ZC3H4: variants seen among roughly 807,000 people sequenced by gnomAD.
ZC3H4 encodes zinc finger CCCH domain-containing protein 4.
A neutral mutation model predicts 108.3 loss-of-function variants in ZC3H4; 13 were observed. The observed-to-expected ratio is 0.12, with a 90% CI of 0.08 to 0.19. ZC3H4 has a LOEUF of 0.19. Ranked by LOEUF, ZC3H4 falls within the 10% of genes least tolerant of loss-of-function variation. ZC3H4 has a pLI of 1.00. For missense variants in ZC3H4, 1,734 were observed against 1,838.8 expected (o/e 0.94, Z 1.04); for synonymous variants, 917 against 749.6 (o/e 1.22, Z -3.65).
At chr19:47,086,238 C>G (rs1439303086) in intron 6 of ZC3H4, 146 bp downstream of exon 6, 2 of 875,664 alleles carry the variant, frequency 2.3e-6, no homozygotes, top group Non-Finnish European at 3.5e-6. Context: ...TTTTTAAACA[C>G]ATACATCTGC....
rs1024957007 is a variant in ZC3H4 at position 47,065,170 on chromosome 19, G to C, written c.*1186C>G. ...CTCAGCCAGGGTGGGAGCATGGGGG[G>C]AGCAGAGGCTCCCCATCCCCTGGCT... On this transcript the variant is annotated 3_prime_UTR_variant, in exon 15 of 15. Transcript: ENST00000253048. 1 of 152,252 alleles carries C rather than the reference G, an allele frequency of 6.6e-6. No individual in the cohort carries two copies. Among genetic ancestry groups the C allele is most frequent in the Non-Finnish European group, 1.5e-5 (1 of 68,082 alleles). 9.4% of individuals were successfully genotyped at this position (152,252 alleles called of 1,614,324 possible).
chr19:47,085,019 T>C (rs992249263), intron 8 of ZC3H4, 37 bp downstream of exon 8: 4 of 1,611,370 alleles, frequency 2.5e-6, no homozygotes, highest in Non-Finnish European at 3.4e-6. Context: ...AGAAGGGACC[T>C]TGGCCCAAAC....
At chr19:47,099,965 T>A (rs189585384) in intron 2 of ZC3H4, among the ~76,000 whole-genome samples, 27 of 152,258 alleles carry the variant, frequency 1.8e-4, no homozygotes, top group African/African-American at 6.3e-4. Flanking sequence ...GATCATTAAC[T>A]GCCCAGACTC....
rs1294230476 is a variant in ZC3H4 at position 47,112,530 on chromosome 19, G to A, written c.55C>T (p.Pro19Ser). 6 of 1,050,394 alleles carry A rather than the reference G, an allele frequency of 5.7e-6. No individual in the cohort carries two copies. The Admixed American group carries it at 2.6e-4, about 45-fold the overall frequency. 65.1% of individuals were successfully genotyped at this position (1,050,394 alleles called of 1,614,324 possible). Residue 19 changes from proline (P) to serine (S), a missense_variant, in exon 2 of 15, where the codon CCA becomes TCA. Physicochemically the swap from Pro to Ser is moderately conservative, Grantham distance 74 (BLOSUM62 -1). Coordinates refer to ENST00000253048, the MANE Select transcript of ZC3H4 (RefSeq NM_015168.2). ...PPPPSESPPP[P>S]SPPPPSTPSP... ...GGCGTTGATGGCGGCGGCGGCGATGGCGGCGGCGGCGACTCTGATGGCGGC... is the reference window on the plus strand; with the variant it reads ...GGCGTTGATGGCGGCGGCGGCGATGACGGCGGCGGCGACTCTGATGGCGGC...
At chr19:47,096,921 C>T (rs1010297413) in intron 2 of ZC3H4, 1 of 985,428 alleles carries the variant, frequency 1.0e-6, no homozygotes, top group Non-Finnish European at 1.2e-6. Context: ...ATGTCCAACA[C>T]CGCGGCACAG....
chr19:47,105,699 T>A (rs2057959838), intron 2 of ZC3H4, among the ~76,000 whole-genome samples: 1 of 152,236 alleles, frequency 6.6e-6, no homozygotes, highest in African/African-American at 2.4e-5. Context: ...CTAGCCTGGA[T>A]GCAACGGCTT....
rs577462418 is a variant in ZC3H4, at chr19:47,103,430, A to G, written c.162-8822T>C. Among the ~76,000 whole-genome samples the G allele has an allele frequency of 2.9e-4, 44 of 152,260 alleles. 1 individual carries two copies. The highest frequency in any genetic ancestry group is 2.1e-3 in the South Asian group (10 of 4,826). ...GCAATCTTCCCACGTCAGCCTCCCA[A>G]GTAGATGGGACTACAAGCATGCACC... is the stretch of plus-strand genomic sequence containing the variant. On this transcript the variant is annotated intron_variant, in intron 2 of 14. Coordinates refer to ENST00000253048, the MANE Select transcript of ZC3H4 (RefSeq NM_015168.2).
chr19:47,090,060 C>T lies in ZC3H4; in HGVS notation c.622G>A (p.Glu208Lys). The T allele has an allele frequency of 6.2e-7, 1 of 1,614,208 alleles. No homozygotes were observed. Among genetic ancestry groups the T allele is most frequent in the African/African-American group, 1.3e-5 (1 of 75,052 alleles). ...TCCTCCTTGCCCATGTCCTCCTCCT[C>T]GTCGCCCTCATATTCCCCATACTGC... ...NEQYGEYEGD[E>K]EEDMGKEDYD... The change falls in exon 5 of 15, where the codon GAG becomes AAG. Residue 208 changes from glutamate to lysine, a missense_variant. Physicochemically the swap from Glu to Lys is moderately conservative, Grantham distance 56. This residue lies in a region of ZC3H4 where 403 missense variants were observed against 457.0 expected (regional missense o/e 0.88). Transcript: ENST00000253048.
In ZC3H4 at chr19:47,066,582, G is replaced by A. The variant is rs1293032665; in HGVS notation, c.3686C>T (p.Pro1229Leu). 6.3e-7 allele frequency: 1 copy of A among 1,594,094 alleles called. No homozygotes were observed. Among genetic ancestry groups the A allele is most frequent in the South Asian group, 1.1e-5 (1 of 88,396 alleles). The change falls in exon 15 of 15, where the codon CCC becomes CTC. Residue 1229 changes from proline (P) to leucine (L), a missense_variant. Pro to Leu is a moderately conservative substitution (Grantham distance 98). Around this residue, in one of 9 missense-constraint regions of ZC3H4, gnomAD observed 518 missense variants for 499.6 expected, o/e 1.04. Transcript: ENST00000253048. Reference protein sequence around the residue: ...NRPRPKAAAAPAATTATPPPE... With the variant: ...NRPRPKAAAALAATTATPPPE... Reference sequence around the variant, plus strand: ...GGGTGGGGTGGCGGTGGTGGCAGCGGGGGCTGCAGCAGCCTTGGGCCGGGG... The same window carrying A: ...GGGTGGGGTGGCGGTGGTGGCAGCGAGGGCTGCAGCAGCCTTGGGCCGGGG...
At chr19:47,096,096 C>T (rs1325239157) in intron 2 of ZC3H4, among the ~76,000 whole-genome samples, 2 of 152,224 alleles carry the variant, frequency 1.3e-5, no homozygotes, top group East Asian at 3.8e-4. Context: ...GCTACCCAAA[C>T]ATCAAGGAGC....
chr19:47,085,706 G>A (rs918152607), intron 6 of ZC3H4, among the ~76,000 whole-genome samples: 2 of 152,134 alleles, frequency 1.3e-5, no homozygotes, highest in Non-Finnish European at 2.9e-5. Context: ...AAGGTCTGTG[G>A]GTAGGACCAG....
At chr19:47,092,992 G>A (rs1241919093) in intron 4 of ZC3H4, among the ~76,000 whole-genome samples, 2 of 151,976 alleles carry the variant, frequency 1.3e-5, no homozygotes, top group South Asian at 2.1e-4. Flanking sequence ...CGAGGCAGGC[G>A]GATCACGAGG....
rs2122652676 is a variant in ZC3H4, at chr19:47,067,259, T to C, written c.3009A>G (p.Gln1003=). ...GCCGGGGGTCCAGGGTGGGCATGGA[T>C]TGCAGGGCCGCGGGCACGGGGGGCA... ...DAVPPVPAAL[Q]SMPTLDPRLH... Residue 1003 remains glutamine (Q), a synonymous_variant, in exon 15 of 15, where the codon CAA becomes CAG. Transcript: ENST00000253048. The surrounding 1 kb of genome is among the most constrained non-coding windows in gnomAD (Gnocchi z 6.4). 1.3e-6 allele frequency: 2 copies of C among 1,594,822 alleles called. No individual in the cohort carries two copies. Among genetic ancestry groups the C allele is most frequent in the Middle Eastern group, 1.7e-4 (1 of 5,970 alleles).
intron 2 of ZC3H4, among the ~76,000 whole-genome samples, chr19:47,099,381 C>T (rs2057871385): frequency 6.6e-6 from 1 of 151,860 alleles, no homozygotes; most frequent in Admixed American, 6.6e-5. Flanking sequence ...ATCACTTGAA[C>T]CTGGGAGGCG....
chr19:47,086,288 T>C lies in ZC3H4; in HGVS notation c.870+96A>G, dbSNP rs973701857. 6 of 1,451,594 alleles carry C rather than the reference T, an allele frequency of 4.1e-6. No individual in the cohort carries two copies. In the African/African-American group the frequency reaches 8.6e-5, roughly 21 times the overall value. 89.9% of individuals were successfully genotyped at this position (1,451,594 alleles called of 1,614,324 possible). ...CTTCCTTCAGAAGGGCCGTATGTCTTCCTACCTTGGCCTCACAGCCTCTAC... is the reference window on the plus strand; with the variant it reads ...CTTCCTTCAGAAGGGCCGTATGTCTCCCTACCTTGGCCTCACAGCCTCTAC... On this transcript the variant is annotated intron_variant, in intron 6 of 14. Coordinates refer to ENST00000253048, the MANE Select transcript of ZC3H4 (RefSeq NM_015168.2).
chr19:47,099,506 C>G (rs1018705833), intron 2 of ZC3H4, among the ~76,000 whole-genome samples: 1 of 151,662 alleles, frequency 6.6e-6, no homozygotes, highest in Non-Finnish European at 1.5e-5. Flanking sequence ...CTCTCCCTGA[C>G]GGACACTGCT....
Position 47,067,911 on chromosome 19 carries a change from T to G in ZC3H4, c.2399-42A>C, listed in dbSNP as rs1484250318. ...GAGCAGGGAGGGGTGAGTGGGCGCA[T>G]CCACCACCCGCCCTCTTGGATCCCA... On this transcript the variant is annotated intron_variant, in intron 14 of 14. Coordinates refer to ENST00000253048, the MANE Select transcript of ZC3H4 (RefSeq NM_015168.2). The surrounding 1 kb of genome is among the most constrained non-coding windows in gnomAD (Gnocchi z 6.4). 3.3e-6 allele frequency: 5 copies of G among 1,522,514 alleles called. No individual in the cohort carries two copies. The Admixed American group carries it at 7.8e-5, about 24-fold the overall frequency. 94.3% of individuals were successfully genotyped at this position (1,522,514 alleles called of 1,614,324 possible). A position where few individuals can be genotyped will look rare whatever the true frequency, so the allele number is the denominator to read the frequency against.
rs1045107056 is a variant in ZC3H4 at position 47,071,927 on chromosome 19, G to T, written c.1997C>A (p.Pro666His). 1 of 1,612,556 alleles carries T rather than the reference G, an allele frequency of 6.2e-7. No homozygotes were observed. The highest frequency in any genetic ancestry group is 1.3e-5 in the African/African-American group (1 of 74,898). ...GTAGGGCATCATTGGAGGGCCGCCA[G>T]GGCCCATGGGTGGGCCAGGATTCAT... ...PGMNPGPPMG[P>H]GGPPMMPYGP... The change falls in exon 13 of 15, where the codon CCT (proline) becomes CAT (histidine). Residue 666 changes from proline to histidine, a missense_variant. Pro to His is a moderately conservative substitution (Grantham distance 77). This residue lies in a region of ZC3H4 where 540 missense variants were observed against 484.1 expected (regional missense o/e 1.12). Transcript: ENST00000253048.
intron 2 of ZC3H4, among the ~76,000 whole-genome samples, chr19:47,096,388 G>C (rs2057820785): frequency 6.6e-6 from 1 of 152,382 alleles, no homozygotes; most frequent in African/African-American, 2.4e-5. Context: ...TCCCGCTGGG[G>C]TGCGGCCCAC....
Sources: gnomAD v4.1 joint callset for allele counts (sites outside exome capture counted in the v4.1 genomes callset) on GRCh38, gnomAD v4.1.1 for gene constraint, gnomAD v4.1.1 regional missense constraint, Gnocchi (gnomAD v3.1) non-coding constraint, MANE v1.5 for transcripts, NCBI Gene and HGNC (gene_info 2026-07-23, HGNC 2026-07-21) for gene names.